NR3C2: variants seen among roughly 807,000 people sequenced by gnomAD.
NR3C2 encodes nuclear receptor subfamily 3 group C member 2.
Under a neutral mutation model 86.4 loss-of-function variants are expected in NR3C2, and 15 were observed. The ratio of observed to expected loss-of-function variants is 0.17; its 90% confidence interval spans 0.12 to 0.27. The LOEUF (loss-of-function observed/expected upper bound fraction) is 0.27. Among genes scored for constraint, NR3C2 ranks in the 10% least tolerant of loss-of-function variants. The pLI, the probability that NR3C2 is intolerant of heterozygous loss-of-function variation, is 1.00. For missense variants in NR3C2, 960 were observed against 1,195.6 expected (o/e 0.80, Z 2.91); for synonymous variants, 458 against 450.5 (o/e 1.02, Z -0.21).
At chr4:148,292,970 T>C (rs1741867911) in intron 2 of NR3C2, among the ~76,000 whole-genome samples, 1 of 152,042 alleles carries the variant, frequency 6.6e-6, no homozygotes. Context: ...AGAGATGATA[T>C]TGAGTAATAG....
At chr4:148,392,507 C>T (rs1247617576) in intron 2 of NR3C2, among the ~76,000 whole-genome samples, 1 of 152,210 alleles carries the variant, frequency 6.6e-6, no homozygotes, top group African/African-American at 2.4e-5. Context: ...ACTTTTCTCA[C>T]TGTACCTTTC....
chr4:148,264,918 T>C (rs1470454303), intron 2 of NR3C2, among the ~76,000 whole-genome samples: 3 of 152,224 alleles, frequency 2.0e-5, no homozygotes, highest in African/African-American at 7.2e-5. Flanking sequence ...TCTGTGCTGC[T>C]GATTTTGGTT....
At chr4:148,093,832 A>C (rs1299069909) in intron 8 of NR3C2, among the ~76,000 whole-genome samples, 1 of 152,220 alleles carries the variant, frequency 6.6e-6, no homozygotes, top group East Asian at 1.9e-4. Flanking sequence ...AATGAAAGGA[A>C]AAAAGATAAA....
chr4:148,082,893 A>G (rs987700659), intron 8 of NR3C2, among the ~76,000 whole-genome samples: 6 of 151,472 alleles, frequency 4.0e-5, no homozygotes, highest in African/African-American at 1.5e-4. Context: ...GGAAGGGGGG[A>G]GGAGCATCCG....
At chr4:148,135,493 T>G (rs945167176) in intron 6 of NR3C2, among the ~76,000 whole-genome samples, 2 of 152,182 alleles carry the variant, frequency 1.3e-5, no homozygotes, top group African/African-American at 4.8e-5. Flanking sequence ...CTTGAACTTC[T>G]CAGCCTCTAG....
chr4:148,265,066 A>C (rs1420381177), intron 2 of NR3C2, among the ~76,000 whole-genome samples: 1 of 152,172 alleles, frequency 6.6e-6, no homozygotes, highest in Non-Finnish European at 1.5e-5. Context: ...TCACAGAAAG[A>C]AGTTTATCAT....
chr4:148,339,072 G>A (rs1204488401), intron 2 of NR3C2, among the ~76,000 whole-genome samples: 2 of 152,172 alleles, frequency 1.3e-5, no homozygotes, highest in Non-Finnish European at 2.9e-5. Flanking sequence ...TAAGAATTAA[G>A]TATGGAAGTT....
intron 6 of NR3C2, among the ~76,000 whole-genome samples, chr4:148,141,830 T>A (rs1350779785): frequency 2.0e-5 from 3 of 152,132 alleles, no homozygotes; most frequent in African/African-American, 7.2e-5. Context: ...ATCTAACTAA[T>A]GCCCGATGAT....
At chr4:148,216,139 G>T (rs961508003) in intron 3 of NR3C2, among the ~76,000 whole-genome samples, 2 of 151,990 alleles carry the variant, frequency 1.3e-5, no homozygotes, top group African/African-American at 4.8e-5. Context: ...AATGAGTATG[G>T]CTCTGTTCCA....
chr4:148,379,236 G>T (rs1746835674), intron 2 of NR3C2, among the ~76,000 whole-genome samples: 1 of 151,370 alleles, frequency 6.6e-6, no homozygotes, highest in Non-Finnish European at 1.5e-5. Context: ...TCAATTTAGG[G>T]ATGTAAATCA....
chr4:148,285,740 C>T (rs1741490617), intron 2 of NR3C2, among the ~76,000 whole-genome samples: 1 of 151,984 alleles, frequency 6.6e-6, no homozygotes, highest in African/African-American at 2.4e-5. Context: ...AAAAAAACTT[C>T]CTCCATTGGC....
intron 6 of NR3C2, among the ~76,000 whole-genome samples, chr4:148,144,280 C>T (rs139455089): frequency 6.6e-6 from 1 of 152,268 alleles, no homozygotes; most frequent in African/African-American, 2.4e-5. Flanking sequence ...TCATGGCTCA[C>T]TAGCCTTGAA....
chr4:148,130,814 GTTTTGTTTTTTTTTTTTT>G lies in NR3C2; in HGVS notation c.2511-10544_2511-10527del, dbSNP rs1363223222. On this transcript the variant is annotated intron_variant, in intron 6 of 8. Coordinates refer to ENST00000358102, the MANE Select transcript of NR3C2 (RefSeq NM_000901.5). ...TTTTTTTTTTGTTTTGTTTTGTTTT[GTTTTGTTTTTTTTTTTTT>G]TTTTTTTTTGAGACAGAGTCTCGCT... Among the ~76,000 whole-genome samples, 2 of 77,054 alleles carry G rather than the reference GTTTTGTTTTTTTTTTTTT, an allele frequency of 2.6e-5. 1 individual carries two copies. The highest frequency in any genetic ancestry group is 8.8e-5 in the African/African-American group (2 of 22,698). The allele number at this position is 77,054 out of a possible 152,430, so 50.6% of individuals were successfully genotyped here. A position where few individuals can be genotyped will look rare whatever the true frequency, so the allele number is the denominator to read the frequency against.
At chr4:148,219,435 A>G (rs1737716721) in intron 3 of NR3C2, among the ~76,000 whole-genome samples, 1 of 152,232 alleles carries the variant, frequency 6.6e-6, no homozygotes, top group South Asian at 2.1e-4. Context: ...GAGCTAGAAC[A>G]AGGGTTCTCA....
At chr4:148,303,588 A>G (rs1191830067) in intron 2 of NR3C2, among the ~76,000 whole-genome samples, 1 of 152,168 alleles carries the variant, frequency 6.6e-6, no homozygotes, top group Non-Finnish European at 1.5e-5. Flanking sequence ...TATTCAGCTT[A>G]TGATAAGGAG....
chr4:148,131,032 C>T (rs1280117439), intron 6 of NR3C2, among the ~76,000 whole-genome samples: 1 of 152,058 alleles, frequency 6.6e-6, no homozygotes, highest in Non-Finnish European at 1.5e-5. Flanking sequence ...CGGGGTTTCA[C>T]TGTGTTAGCT....
chr4:148,332,873 G>T (rs1744298577), intron 2 of NR3C2, among the ~76,000 whole-genome samples: 1 of 152,110 alleles, frequency 6.6e-6, no homozygotes, highest in African/African-American at 2.4e-5. Flanking sequence ...ATGTGTATGT[G>T]TTTCGACATA....
At chr4:148,137,410 G>A (rs1351710009) in intron 6 of NR3C2, among the ~76,000 whole-genome samples, 1 of 152,254 alleles carries the variant, frequency 6.6e-6, no homozygotes, top group African/African-American at 2.4e-5. Flanking sequence ...GCTTTAAAAT[G>A]TAATTGGTCT....
At chr4:148,296,052 A>C (rs1235637214) in intron 2 of NR3C2, among the ~76,000 whole-genome samples, 1 of 150,178 alleles carries the variant, frequency 6.7e-6, no homozygotes, top group Admixed American at 6.6e-5. Context: ...GCCAAAAAAA[A>C]AAAAAAAAAA....
Sources: allele counts gnomAD v4.1 joint callset (sites outside exome capture counted in the v4.1 genomes callset), GRCh38; gene constraint gnomAD v4.1.1; transcripts MANE v1.5; gene names NCBI Gene and HGNC (gene_info 2026-07-23, HGNC 2026-07-21).